GULP1: variants seen among roughly 807,000 people sequenced by gnomAD.
GULP1 encodes GULP PTB domain containing engulfment adaptor 1, also known as PTB domain-containing engulfment adapter protein 1.
Under a neutral mutation model 40.9 loss-of-function variants are expected in GULP1, and 19 were observed. The ratio of observed to expected loss-of-function variants is 0.46; its 90% confidence interval spans 0.32 to 0.68. GULP1 has a LOEUF of 0.68. GULP1 is among the 30% of genes least tolerant of loss of function. The pLI is 0.03. For synonymous variants in GULP1, 119 were observed against 117.6 expected (o/e 1.01, Z -0.08); for missense variants, 312 against 362.2 (o/e 0.86, Z 1.12).
chr2:188,364,374 C>T (rs1162201222), intron 1 of GULP1, among the ~76,000 whole-genome samples: 1 of 152,146 alleles, frequency 6.6e-6, no homozygotes, highest in Non-Finnish European at 1.5e-5. Flanking sequence ...TAATTCCAAA[C>T]AGCATGTTCA....
intron 1 of GULP1, among the ~76,000 whole-genome samples, chr2:188,315,510 C>A (rs1258056962): frequency 6.6e-6 from 1 of 152,070 alleles, no homozygotes; most frequent in Non-Finnish European, 1.5e-5. Flanking sequence ...GTCTTTGTTT[C>A]AGACCTTTGA....
At chr2:188,495,810 A>G (rs1442359980) in intron 4 of GULP1, among the ~76,000 whole-genome samples, 2 of 152,006 alleles carry the variant, frequency 1.3e-5, no homozygotes, top group Non-Finnish European at 2.9e-5. Flanking sequence ...AAGTATACCA[A>G]GATTTAACAA....
chr2:188,311,580 G>C (rs1422621998), intron 1 of GULP1, among the ~76,000 whole-genome samples: 1 of 152,052 alleles, frequency 6.6e-6, no homozygotes. Context: ...TTTAAAAGAA[G>C]TAGAGATACC....
intron 1 of GULP1, among the ~76,000 whole-genome samples, chr2:188,353,073 G>C (rs2044728781): frequency 6.6e-6 from 1 of 152,078 alleles, no homozygotes; most frequent in Non-Finnish European, 1.5e-5. Context: ...AAATTCATGG[G>C]ATAATAAATA....
chr2:188,506,522 T>C (rs1447741093), intron 4 of GULP1, among the ~76,000 whole-genome samples: 1 of 151,990 alleles, frequency 6.6e-6, no homozygotes. Context: ...TACTAACTTA[T>C]TAAATCCTTA....
chr2:188,409,558 T>A (rs556828360), intron 2 of GULP1, among the ~76,000 whole-genome samples: 1 of 151,616 alleles, frequency 6.6e-6, no homozygotes, highest in East Asian at 1.9e-4. Flanking sequence ...TTCTTTTCAA[T>A]TTTTTTTTCC....
chr2:188,587,214 A>T (rs1576315431), intron 10 of GULP1, among the ~76,000 whole-genome samples: 2 of 152,114 alleles, frequency 1.3e-5, no homozygotes, highest in South Asian at 4.1e-4. Flanking sequence ...ACTTTAGAAC[A>T]TATGTACAGA....
chr2:188,555,810 C>T (rs990000772), intron 7 of GULP1, among the ~76,000 whole-genome samples: 3 of 152,010 alleles, frequency 2.0e-5, no homozygotes, highest in Admixed American at 2.0e-4. Context: ...CCTGTAATCT[C>T]AGCACTTTGG....
chr2:188,430,832 TC>T (rs1382943300), intron 2 of GULP1, among the ~76,000 whole-genome samples: 2 of 152,180 alleles, frequency 1.3e-5, no homozygotes, highest in Non-Finnish European at 2.9e-5. Context: ...GCTCTGATCT[TC>T]CTTGTTGGAC....
At chr2:188,394,983 T>A (rs2051032374) in intron 2 of GULP1, among the ~76,000 whole-genome samples, 1 of 152,330 alleles carries the variant, frequency 6.6e-6, no homozygotes, top group African/African-American at 2.4e-5. Context: ...TTTTCCACAG[T>A]ATTTTATTTA....
chr2:188,386,608 A>G (rs1196812973), intron 2 of GULP1, among the ~76,000 whole-genome samples: 1 of 152,098 alleles, frequency 6.6e-6, no homozygotes, highest in African/African-American at 2.4e-5. Context: ...TTATAGATAA[A>G]TTGATATGTA....
chr2:188,559,915 A>G (rs1362926486), intron 7 of GULP1, among the ~76,000 whole-genome samples: 1 of 152,106 alleles, frequency 6.6e-6, no homozygotes, highest in East Asian at 1.9e-4. Context: ...AGGGGTTTTC[A>G]CTTTTGCATC....
intron 2 of GULP1, among the ~76,000 whole-genome samples, chr2:188,455,847 C>G (rs941938122): frequency 2.6e-5 from 4 of 152,122 alleles, no homozygotes; most frequent in Non-Finnish European, 4.4e-5. Context: ...TGGCTTTGAC[C>G]AAAATGCTGA....
At chr2:188,341,201 G>C (rs573988383) in intron 1 of GULP1, among the ~76,000 whole-genome samples, 17 of 152,118 alleles carry the variant, frequency 1.1e-4, no homozygotes, top group Admixed American at 1.1e-3. Flanking sequence ...CTTGGCTTCC[G>C]GGGAGACCTC....
chr2:188,455,941 CTTA>C (rs1275915676), intron 2 of GULP1, among the ~76,000 whole-genome samples: 4 of 152,230 alleles, frequency 2.6e-5, no homozygotes, highest in East Asian at 1.9e-4. Context: ...AAAGGTGACT[CTTA>C]TTATGTTTTA....
At chr2:188,503,848 T>C (rs192934102) in intron 4 of GULP1, among the ~76,000 whole-genome samples, 3 of 152,072 alleles carry the variant, frequency 2.0e-5, no homozygotes, top group African/African-American at 7.2e-5. Context: ...CCATCTTTTT[T>C]ATCTTGATAA....
chr2:188,328,517 T>C (rs927459055), intron 1 of GULP1, among the ~76,000 whole-genome samples: 6 of 152,192 alleles, frequency 3.9e-5, no homozygotes, highest in Non-Finnish European at 8.8e-5. Context: ...AGCAAAAATA[T>C]ATTGCTTGCT....
chr2:188,378,278 G>GAAAAAAAAAAAA (rs71723258), intron 1 of GULP1, among the ~76,000 whole-genome samples: 1 of 95,550 alleles, frequency 1.0e-5, no homozygotes, highest in Non-Finnish European at 2.3e-5. Context: ...TCTCTATATA[G>GAAAAAAAAAAAA]AAAAAAAAAA....
intron 2 of GULP1, among the ~76,000 whole-genome samples, chr2:188,460,173 C>T (rs2059585269): frequency 6.6e-6 from 1 of 151,906 alleles, no homozygotes; most frequent in Non-Finnish European, 1.5e-5. Context: ...TTTTCTATTT[C>T]TTTGAAGAAT....
Sources: allele counts gnomAD v4.1 joint callset (sites outside exome capture counted in the v4.1 genomes callset), GRCh38; gene constraint gnomAD v4.1.1; transcripts MANE v1.5; gene names NCBI Gene and HGNC (gene_info 2026-07-23, HGNC 2026-07-21).